KIAA1549L: variants seen among roughly 807,000 people sequenced by gnomAD.
The protein encoded by KIAA1549L is UPF0606 protein KIAA1549L.
KIAA1549L carries 88 observed loss-of-function variants against 160.7 expected under a neutral mutation model. That is an observed-to-expected ratio of 0.55 (90% CI 0.46 to 0.65). KIAA1549L has a LOEUF of 0.65. Among genes scored for constraint, KIAA1549L ranks in the 30% least tolerant of loss-of-function variants. The pLI is 0.00. For missense variants in KIAA1549L, 2,258 were observed against 2,437.5 expected, an observed-to-expected ratio of 0.93 and a Z score of 1.55; for synonymous variants, 950 against 976.7, an observed-to-expected ratio of 0.97 and a Z score of 0.51.
intron 8 of KIAA1549L, among the ~76,000 whole-genome samples, chr11:33,565,946 G>A (rs922095159): frequency 3.9e-5 from 6 of 152,116 alleles, no homozygotes; most frequent in East Asian, 3.9e-4. Flanking sequence ...CCAGGAGGTC[G>A]GGGCTGCAGA....
Position 33,672,971 on chromosome 11 carries a change from C to T in KIAA1549L, c.*4817C>T, listed in dbSNP as rs1044466509. 2 of 153,462 alleles carry T rather than the reference C, an allele frequency of 1.3e-5. No individual in the cohort carries two copies. The highest frequency in any genetic ancestry group is 1.9e-4 in the East Asian group (1 of 5,202). 9.5% of individuals were successfully genotyped at this position (153,462 alleles called of 1,614,324 possible). ...GAAACAAAATTGGTTTCAAGTGAAACTTACATTATTTTTTGGCTGTGACCT... is the reference window on the plus strand; with the variant it reads ...GAAACAAAATTGGTTTCAAGTGAAATTTACATTATTTTTTGGCTGTGACCT... On this transcript the variant is annotated 3_prime_UTR_variant, in exon 21 of 21. Coordinates refer to ENST00000658780, the MANE Select transcript of KIAA1549L (RefSeq NM_012194.3).
intron 1 of KIAA1549L, among the ~76,000 whole-genome samples, chr11:33,406,695 T>C (rs1159027011): frequency 1.3e-5 from 2 of 152,236 alleles, no homozygotes; most frequent in Non-Finnish European, 2.9e-5. Context: ...CTCCGCTGCC[T>C]CAAAGGGATC....
chr11:33,517,680 C>G (rs1217656016), intron 1 of KIAA1549L, among the ~76,000 whole-genome samples: 1 of 152,076 alleles, frequency 6.6e-6, no homozygotes, highest in Non-Finnish European at 1.5e-5. Context: ...TTTCTGGAAT[C>G]AACCACCCAT....
At chr11:33,459,461 C>T (rs191463782) in intron 1 of KIAA1549L, among the ~76,000 whole-genome samples, 60 of 152,326 alleles carry the variant, frequency 3.9e-4, no homozygotes, top group Non-Finnish European at 7.6e-4. Context: ...CATTGTCTCA[C>T]TTAAGTCCTG....
At chr11:33,524,379 C>G (rs1381934876) in intron 1 of KIAA1549L, among the ~76,000 whole-genome samples, 1 of 151,748 alleles carries the variant, frequency 6.6e-6, no homozygotes, top group Admixed American at 6.6e-5. Context: ...ACCTATTTTA[C>G]TCTTTTAATT....
chr11:33,545,511 C>G, intron 3 of KIAA1549L, 133 bp downstream of exon 3: 1 of 1,129,516 alleles, frequency 8.9e-7, no homozygotes, highest in African/African-American at 1.6e-5. Context: ...TTGGCTATGT[C>G]TGGAGACATT....
intron 1 of KIAA1549L, among the ~76,000 whole-genome samples, chr11:33,435,796 A>ATATGTGTGTGTGTGTGTGTG (rs1565135857): frequency 1.2e-4 from 4 of 34,660 alleles, no homozygotes; most frequent in Non-Finnish European, 1.9e-4. Context: ...ATATATATAT[A>ATATGTGTGTGTGTGTGTGTG]TATATATATA....
intron 1 of KIAA1549L, among the ~76,000 whole-genome samples, chr11:33,499,637 G>A (rs1852899066): frequency 6.6e-6 from 1 of 152,146 alleles, no homozygotes; most frequent in Non-Finnish European, 1.5e-5. Flanking sequence ...TTGGTTTTTG[G>A]ATCAACTTGT....
At chr11:33,652,161 G>A (rs1019170915) in intron 17 of KIAA1549L, among the ~76,000 whole-genome samples, 2 of 151,748 alleles carry the variant, frequency 1.3e-5, no homozygotes, top group South Asian at 2.1e-4. Context: ...CTTGGAACCT[G>A]GCAACAGTTT....
At chr11:33,442,817 TC>T (rs1441162930) in intron 1 of KIAA1549L, among the ~76,000 whole-genome samples, 2 of 152,188 alleles carry the variant, frequency 1.3e-5, no homozygotes, top group African/African-American at 4.8e-5. Flanking sequence ...CTTCACTCTG[TC>T]CCCCATATCA....
chr11:33,654,542 TCCTC>T (rs1363168050), intron 17 of KIAA1549L, among the ~76,000 whole-genome samples: 1 of 152,154 alleles, frequency 6.6e-6, no homozygotes, highest in African/African-American at 2.4e-5. Context: ...TTGCCATCCA[TCCTC>T]CCTCCCTAGA....
At chr11:33,452,949 C>G (rs1253661535) in intron 1 of KIAA1549L, among the ~76,000 whole-genome samples, 1 of 152,174 alleles carries the variant, frequency 6.6e-6, no homozygotes, top group African/African-American at 2.4e-5. Context: ...GGACACACTC[C>G]CTCCTGCCCA....
At chr11:33,522,653 T>C (rs1853522945) in intron 1 of KIAA1549L, among the ~76,000 whole-genome samples, 1 of 152,168 alleles carries the variant, frequency 6.6e-6, no homozygotes, top group Non-Finnish European at 1.5e-5. Context: ...CCCAGCACTT[T>C]GGGAGGCTAA....
chr11:33,385,345 G>A (rs1433157200), intron 1 of KIAA1549L, among the ~76,000 whole-genome samples: 5 of 152,266 alleles, frequency 3.3e-5, no homozygotes, highest in East Asian at 1.9e-4. Flanking sequence ...GTTTCTTAAC[G>A]TCAGCACTAT....
intron 12 of KIAA1549L, among the ~76,000 whole-genome samples, chr11:33,595,201 T>C (rs1192195647): frequency 6.6e-6 from 1 of 152,196 alleles, no homozygotes; most frequent in Non-Finnish European, 1.5e-5. Flanking sequence ...AACACATATA[T>C]TCCTGAAGGA....
Position 33,591,250 on chromosome 11 carries a change from T to C in KIAA1549L, c.4580T>C (p.Phe1527Ser). 6.2e-7 allele frequency: 1 copy of C among 1,612,284 alleles called. No individual in the cohort carries two copies. Among genetic ancestry groups the C allele is most frequent in the Non-Finnish European group, 8.5e-7 (1 of 1,179,008 alleles). Reference sequence around the variant, plus strand: ...TCCTCTTTGCAGCCTGTGCAAGGCTTTGATTATGCCAAGCAACACCTGGGC... The same window carrying C: ...TCCTCTTTGCAGCCTGTGCAAGGCTCTGATTATGCCAAGCAACACCTGGGC... ...LPQRAKPVQG[F>S]DYAKQHLGQQ... The change falls in exon 12 of 21, where the codon TTT (phenylalanine) becomes TCT (serine). Residue 1527 changes from phenylalanine (F) to serine (S), a missense_variant. By Grantham distance (155) the Phe-to-Ser change is radical. Transcript: ENST00000658780.
intron 17 of KIAA1549L, among the ~76,000 whole-genome samples, chr11:33,650,057 C>CCTT (rs1643918280): frequency 6.6e-6 from 1 of 152,156 alleles, no homozygotes; most frequent in African/African-American, 2.4e-5. Flanking sequence ...GAGGTCCTCA[C>CCTT]CCGGAAGGAG....
chr11:33,571,615 G>A (rs1855259393), intron 9 of KIAA1549L, among the ~76,000 whole-genome samples: 1 of 152,032 alleles, frequency 6.6e-6, no homozygotes. Flanking sequence ...AAGAGGGTGG[G>A]GGGAGGCTCC....
intron 9 of KIAA1549L, among the ~76,000 whole-genome samples, chr11:33,573,544 A>G (rs2133245559): frequency 6.6e-6 from 1 of 152,310 alleles, no homozygotes; most frequent in Admixed American, 6.5e-5. Context: ...ATGTGAGTAT[A>G]CAGTAGCTCA....
Sources: allele counts gnomAD v4.1 joint callset (sites outside exome capture counted in the v4.1 genomes callset), GRCh38; gene constraint gnomAD v4.1.1; transcripts MANE v1.5; gene names NCBI Gene and HGNC (gene_info 2026-07-23, HGNC 2026-07-21).